ATL3: variants seen among roughly 807,000 people sequenced by gnomAD.
ATL3 encodes the protein atlastin-3.
ATL3 carries 49 observed loss-of-function variants against 69.5 expected under a neutral mutation model. That is an observed-to-expected ratio of 0.71 (90% CI 0.56 to 0.89). ATL3 has a LOEUF of 0.89. ATL3 is among the 40% of genes least tolerant of loss of function. The pLI, the probability that ATL3 is intolerant of heterozygous loss-of-function variation, is 0.00. For synonymous variants in ATL3, 214 were observed against 224.1 expected, an observed-to-expected ratio of 0.95 and a Z score of 0.40; for missense variants, 606 against 645.7, an observed-to-expected ratio of 0.94 and a Z score of 0.67.
chr11:63,667,454 C>T (rs1404229877), intron 1 of ATL3, among the ~76,000 whole-genome samples: 1 of 151,962 alleles, frequency 6.6e-6, no homozygotes, highest in Non-Finnish European at 1.5e-5. Flanking sequence ...CTCAGCCTCC[C>T]AAGAGTTTAG....
In ATL3 at chr11:63,659,170, C is replaced by G; in HGVS notation, c.129G>C (p.Glu43Asp). The G allele has an allele frequency of 6.2e-7, 1 of 1,614,148 alleles. No homozygotes were observed. Among genetic ancestry groups the G allele is most frequent in the Non-Finnish European group, 8.5e-7 (1 of 1,180,044 alleles). The part of the protein sequence containing the change: ...QKDQHSFELD[E>D]KALASILLQD... The stretch of plus-strand genomic sequence containing the variant: ...GCAAGAGGATGCTGGCCAAGGCTTT[C>G]TCATCTAGCTCAAAGGAATGTTGAT... The change falls in exon 2 of 13, where the codon GAG becomes GAC. Residue 43 changes from glutamate to aspartate, a missense_variant. Glu to Asp is a conservative substitution (Grantham distance 45). Transcript: ENST00000398868.
chr11:63,634,038 C>CAA (rs1158615731), intron 10 of ATL3, among the ~76,000 whole-genome samples: 870 of 76,062 alleles, frequency 0.011, 10 homozygotes, highest in Non-Finnish European at 0.016. Flanking sequence ...CTGTCTCAAA[C>CAA]AAAAAAAAAA....
rs941555183 is a variant in ATL3 at position 63,625,431 on chromosome 11, CTG to C, written c.*3886_*3887del. ...AAAGAACCTAGCAAAAAATTAAAAA[CTG>C]TTTTATTAAAGTTTTAATTTTTAAA... On this transcript the variant is annotated 3_prime_UTR_variant, in exon 13 of 13. Coordinates refer to ENST00000398868, the MANE Select transcript of ATL3 (RefSeq NM_015459.5). 4 of 152,050 alleles carry C rather than the reference CTG, an allele frequency of 2.6e-5. No individual in the cohort carries two copies. In the East Asian group the frequency reaches 7.7e-4, roughly 29 times the overall value. 9.4% of individuals were successfully genotyped at this position (152,050 alleles called of 1,614,324 possible). A position where few individuals can be genotyped will look rare whatever the true frequency, so the allele number is the denominator to read the frequency against.
intron 1 of ATL3, among the ~76,000 whole-genome samples, chr11:63,663,060 C>G (rs1015345218): frequency 6.6e-6 from 1 of 152,072 alleles, no homozygotes; most frequent in Admixed American, 6.6e-5. Flanking sequence ...CTTCAAGCTA[C>G]TGGAATTGCT....
intron 1 of ATL3, among the ~76,000 whole-genome samples, chr11:63,668,791 T>C (rs10644734): frequency 3.4e-4 from 15 of 44,428 alleles, no homozygotes; most frequent in Non-Finnish European, 7.3e-4. Context: ...GCTGTGTTCC[T>C]TTTTTTTTTT....
At chr11:63,644,298 A>G in intron 6 of ATL3, 37 bp from the exon 7 acceptor site, 1 of 1,305,574 alleles carries the variant, frequency 7.7e-7, no homozygotes, top group South Asian at 1.2e-5. Flanking sequence ...TTTAACATGC[A>G]TAAACACATT....
rs1186981479 is a variant in ATL3 at position 63,624,599 on chromosome 11, G to C, written c.*4720C>G. 2 of 152,108 alleles carry C rather than the reference G, an allele frequency of 1.3e-5. No homozygotes were observed. Among genetic ancestry groups the C allele is most frequent in the Admixed American group, 1.3e-4 (2 of 15,260 alleles). The allele number at this position is 152,108 out of a possible 1,614,324, so 9.4% of individuals were successfully genotyped here. On this transcript the variant is annotated 3_prime_UTR_variant, in exon 13 of 13. Coordinates refer to ENST00000398868, the MANE Select transcript of ATL3 (RefSeq NM_015459.5). ...GTTTCACCTGTATGTGAAAGATTTG[G>C]GGGTTCAAGTCACAGTGCTGAATTT...
Position 63,635,547 on chromosome 11 carries a change from T to C in ATL3, c.1022A>G (p.Lys341Arg), listed in dbSNP as rs1256490363. ...ATCATTGTTTACCTGAAGCATGGAC[T>C]TGGGGTGAGGCAGATCTTCTCCTTG... ...IYQGEDLPHP[K>R]SMLQATAEAN... is the part of the protein sequence containing the mutation. Residue 341 changes from lysine to arginine, a missense_variant, in exon 10 of 13, where the codon AAG becomes AGG. Transcript: ENST00000398868. 7 of 1,612,382 alleles carry C rather than the reference T, an allele frequency of 4.3e-6. No individual in the cohort carries two copies. The highest frequency in any genetic ancestry group is 5.1e-6 in the Non-Finnish European group (6 of 1,178,704).
At chr11:63,637,931 A>C (rs1330835011) in intron 8 of ATL3, among the ~76,000 whole-genome samples, 2 of 152,272 alleles carry the variant, frequency 1.3e-5, no homozygotes, top group African/African-American at 4.8e-5. Flanking sequence ...ACTCTGAAAG[A>C]CTACAAAAAT....
chr11:63,670,748 T>C (rs2134553450), intron 1 of ATL3, among the ~76,000 whole-genome samples: 1 of 152,340 alleles, frequency 6.6e-6, no homozygotes, highest in African/African-American at 2.4e-5. Flanking sequence ...TCAAGGTCGT[T>C]AGGATAAAAA....
At position 63,628,063 on chromosome 11, in the gene ATL3, AG is replaced by A. The variant is rs1939177253; in HGVS notation, c.*1255del. ...GTATCTTCCCTCTAATCCTTAATAA[AG>A]TTCTGTTCTTATGCAGAACTCTCAA... On this transcript the variant is annotated 3_prime_UTR_variant, in exon 13 of 13. Coordinates refer to ENST00000398868, the MANE Select transcript of ATL3 (RefSeq NM_015459.5). 6.6e-6 allele frequency: 1 copy of A among 152,234 alleles called. No individual in the cohort carries two copies. The highest frequency in any genetic ancestry group is 2.4e-5 in the African/African-American group (1 of 41,470). 9.4% of individuals were successfully genotyped at this position (152,234 alleles called of 1,614,324 possible).
At chr11:63,649,947 T>A (rs1209799098) in intron 5 of ATL3, among the ~76,000 whole-genome samples, 1 of 152,220 alleles carries the variant, frequency 6.6e-6, no homozygotes. Flanking sequence ...GTACACTGCA[T>A]TGATCTATTT....
intron 12 of ATL3, among the ~76,000 whole-genome samples, 177 bp from the exon 13 acceptor site, chr11:63,629,582 G>A (rs1212994924): frequency 4.6e-5 from 7 of 152,220 alleles, no homozygotes; most frequent in South Asian, 4.1e-4. Flanking sequence ...AAGAGAGCCA[G>A]GGGAACATCT....
chr11:63,641,284 C>T (rs1278415775), intron 8 of ATL3, among the ~76,000 whole-genome samples: 1 of 152,116 alleles, frequency 6.6e-6, no homozygotes, highest in Non-Finnish European at 1.5e-5. Context: ...TGAAACTTGA[C>T]ACGCTTAATA....
intron 1 of ATL3, among the ~76,000 whole-genome samples, chr11:63,664,988 C>G (rs113731539): frequency 1.3e-5 from 2 of 152,096 alleles, no homozygotes; most frequent in Admixed American, 6.6e-5. Flanking sequence ...GTGGCATTGT[C>G]AGAGCAGTAG....
At chr11:63,648,934 A>C (rs979654001) in intron 5 of ATL3, among the ~76,000 whole-genome samples, 2 of 152,170 alleles carry the variant, frequency 1.3e-5, no homozygotes, top group Non-Finnish European at 2.9e-5. Flanking sequence ...TCTGACCAAC[A>C]TAGTGAAACC....
At chr11:63,670,525 C>T (rs1940737118) in intron 1 of ATL3, 1 of 152,188 alleles carries the variant, frequency 6.6e-6, no homozygotes, top group Non-Finnish European at 1.5e-5. Context: ...AGAATAAAGC[C>T]AAGTAAAATG....
chr11:63,657,208 C>CAAAAAAAAAAAAAAAAAAAAAAAAAA (rs1254213240), intron 3 of ATL3, among the ~76,000 whole-genome samples: 2 of 59,916 alleles, frequency 3.3e-5, no homozygotes, highest in African/African-American at 1.3e-4. Flanking sequence ...GACTACATCT[C>CAAAAAAAAAAAAAAAAAAAAAAAAAA]AAAAAAAAAA....
rs780652438 is a variant in ATL3, at chr11:63,636,292, G to A, written c.893C>T (p.Pro298Leu). ...TAACTTAGATGGGTTTAATACATAC[G>A]GTATCAGTGCCTGTAACTGCTCTTT... ...EFKEQLQALI[P>L]YVLNPSKLME... The change falls in exon 9 of 13, where the codon CCG (proline) becomes CTG (leucine). Residue 298 changes from proline to leucine, a missense_variant. Coordinates refer to ENST00000398868, the MANE Select transcript of ATL3 (RefSeq NM_015459.5). The A allele has an allele frequency of 1.2e-5, 20 of 1,613,856 alleles. No individual in the cohort carries two copies. The highest frequency in any genetic ancestry group is 2.7e-5 in the African/African-American group (2 of 74,868).
Sources: allele counts gnomAD v4.1 joint callset (sites outside exome capture counted in the v4.1 genomes callset), GRCh38; gene constraint gnomAD v4.1.1; transcripts MANE v1.5; gene names NCBI Gene and HGNC (gene_info 2026-07-23, HGNC 2026-07-21).